DTNA: variants seen among roughly 807,000 people sequenced by gnomAD.
DTNA encodes dystrobrevin alpha.
In DTNA, 43 loss-of-function variants were observed where a neutral mutation model predicts 100.7. The ratio of observed to expected loss-of-function variants is 0.43; its 90% CI spans 0.33 to 0.55. The LOEUF is 0.55. Ranked by LOEUF, DTNA falls within the 20% of genes least tolerant of loss-of-function variation. The probability of loss-of-function intolerance (pLI) is 0.04; values close to 1 mark genes in which losing one functional copy is unlikely to be tolerated. For synonymous variants in DTNA, 349 were observed against 347.9 expected, an observed-to-expected ratio of 1.00 and a Z score of -0.04; for missense variants, 798 against 953.9, an observed-to-expected ratio of 0.84 and a Z score of 2.15.
chr18:34,546,512 G>A (rs1262043657), intron 1 of DTNA, among the ~76,000 whole-genome samples: 5 of 152,066 alleles, frequency 3.3e-5, no homozygotes, highest in Non-Finnish European at 5.9e-5. Context: ...CTGACTCTAT[G>A]CTAGTAAATA....
In DTNA at chr18:34,884,626, C is replaced by CTG. The variant is rs35187424; in HGVS notation, c.2296-98_2296-97dup. The stretch of plus-strand genomic sequence containing the variant: ...CTCACTCAATAGACTCTCTCTCTCT[C>CTG]TGTGTCTTTGTGCATGGCTTCCCGC... On this transcript the variant is annotated intron_variant, in intron 21 of 22. Transcript: ENST00000444659. The CTG allele has an allele frequency of 7.8e-3, 9,421 of 1,215,038 alleles. 505 individuals carry two copies. In the African/African-American group the frequency reaches 0.12, roughly 16 times the overall value. 75.3% of individuals were successfully genotyped at this position (1,215,038 alleles called of 1,614,324 possible).
intron 1 of DTNA, among the ~76,000 whole-genome samples, chr18:34,654,973 T>A (rs2074150319): frequency 6.6e-6 from 1 of 152,146 alleles, no homozygotes; most frequent in Non-Finnish European, 1.5e-5. Context: ...GTGATCCACC[T>A]GCCTCGGCCT....
In DTNA at chr18:34,794,192, A is replaced by G; in HGVS notation, c.304A>G (p.Ile102Val). 1.2e-6 allele frequency: 2 copies of G among 1,613,990 alleles called. No homozygotes were observed. Among genetic ancestry groups the G allele is most frequent in the Non-Finnish European group, 1.7e-6 (2 of 1,179,978 alleles). ...CAAACGGATGCCAACCACTCACCAA[A>G]TCCATGTGGAGCAGTCCATCAGCCT... ...LNKRMPTTHQ[I>V]HVEQSISLLL... The change falls in exon 4 of 23, where the codon ATC (isoleucine) becomes GTC (valine). Residue 102 changes from isoleucine to valine, a missense_variant. Physicochemically the swap from Ile to Val is conservative, Grantham distance 29. This residue lies in a region of DTNA where 197 missense variants were observed against 215.4 expected (regional missense o/e 0.91). Coordinates refer to ENST00000444659, the MANE Select transcript of DTNA (RefSeq NM_001386795.1).
At chr18:34,558,804 A>C (rs192676241) in intron 1 of DTNA, among the ~76,000 whole-genome samples, 1 of 152,184 alleles carries the variant, frequency 6.6e-6, no homozygotes, top group African/African-American at 2.4e-5. Flanking sequence ...TGAGACTGAA[A>C]TGTATGTGCT....
chr18:34,557,481 T>C (rs9950677), intron 1 of DTNA, among the ~76,000 whole-genome samples: 198 of 152,234 alleles, frequency 1.3e-3, no homozygotes, highest in African/African-American at 4.6e-3. Context: ...GTTCTGTTTT[T>C]TCCCCATCTT....
chr18:34,667,635 G>A (rs1033356719), intron 1 of DTNA, among the ~76,000 whole-genome samples: 3 of 152,030 alleles, frequency 2.0e-5, no homozygotes, highest in Non-Finnish European at 4.4e-5. Flanking sequence ...TAGCATGAAG[G>A]GCTGTTGAAT....
intron 1 of DTNA, among the ~76,000 whole-genome samples, chr18:34,526,102 C>T (rs765558351): frequency 3.9e-5 from 6 of 152,120 alleles, no homozygotes; most frequent in African/African-American, 9.7e-5. Context: ...TAAAACAGCA[C>T]GGCTACGTGT....
chr18:34,804,304 G>A (rs566068111), intron 4 of DTNA, among the ~76,000 whole-genome samples: 1 of 152,304 alleles, frequency 6.6e-6, no homozygotes, highest in East Asian at 1.9e-4. Context: ...GGTGTGCCAT[G>A]AGCAAACGTT....
chr18:34,718,907 G>A (rs550110665), intron 1 of DTNA, among the ~76,000 whole-genome samples: 54 of 152,208 alleles, frequency 3.5e-4, no homozygotes, highest in Middle Eastern at 6.8e-3. Flanking sequence ...ATGAGTTCTC[G>A]GATTTAAGAA....
At chr18:34,586,363 A>G (rs915424449) in intron 1 of DTNA, among the ~76,000 whole-genome samples, 4 of 151,662 alleles carry the variant, frequency 2.6e-5, no homozygotes, top group Admixed American at 6.6e-5. Flanking sequence ...AGTTACTTTG[A>G]GGTTGTTACA....
At chr18:34,641,995 A>G (rs1175254971) in intron 1 of DTNA, among the ~76,000 whole-genome samples, 1 of 152,228 alleles carries the variant, frequency 6.6e-6, no homozygotes, top group Non-Finnish European at 1.5e-5. Context: ...TCCCAGCACC[A>G]TTATTATATA....
intron 1 of DTNA, among the ~76,000 whole-genome samples, chr18:34,564,981 A>G (rs1412979294): frequency 6.6e-6 from 1 of 152,250 alleles, no homozygotes; most frequent in East Asian, 1.9e-4. Context: ...CTGCCTTAAT[A>G]AAATTAATTT....
At chr18:34,666,101 A>C (rs1358545241) in intron 1 of DTNA, among the ~76,000 whole-genome samples, 2 of 152,124 alleles carry the variant, frequency 1.3e-5, no homozygotes, top group Admixed American at 1.3e-4. Flanking sequence ...CCTGACTTTT[A>C]ATGATTGCTA....
intron 4 of DTNA, among the ~76,000 whole-genome samples, chr18:34,794,762 G>T (rs1424448906): frequency 2.6e-5 from 4 of 152,142 alleles, no homozygotes; most frequent in Non-Finnish European, 5.9e-5. Context: ...CATAAAATAA[G>T]GGGATGCTGT....
At chr18:34,754,628 G>A (rs111678910) in intron 1 of DTNA, among the ~76,000 whole-genome samples, 25 of 152,208 alleles carry the variant, frequency 1.6e-4, no homozygotes, top group Admixed American at 4.6e-4. Context: ...GTTTCCATTC[G>A]TTTATTTTTA....
intron 1 of DTNA, among the ~76,000 whole-genome samples, chr18:34,664,121 C>T (rs1200659453): frequency 6.6e-6 from 1 of 152,100 alleles, no homozygotes; most frequent in Non-Finnish European, 1.5e-5. Flanking sequence ...AAAGACTCTA[C>T]TATTTCAAAC....
intron 1 of DTNA, among the ~76,000 whole-genome samples, chr18:34,643,263 A>G (rs1055876697): frequency 4.6e-5 from 7 of 152,232 alleles, no homozygotes; most frequent in African/African-American, 1.7e-4. Context: ...GTGGTAAAGC[A>G]CATACCCAAA....
In DTNA at chr18:34,771,301, C is replaced by T. The variant is rs879680225; in HGVS notation, c.148+5260C>T. Among the ~76,000 whole-genome samples the T allele has an allele frequency of 2.1e-3, 313 of 152,114 alleles. 2 individuals are homozygous for T. The highest frequency in any genetic ancestry group is 3.3e-3 in the Non-Finnish European group (224 of 67,982). On this transcript the variant is annotated intron_variant, in intron 3 of 22. Coordinates refer to ENST00000444659, the MANE Select transcript of DTNA (RefSeq NM_001386795.1). ...GATCACAAGGTCAGGAGATCGAGAC[C>T]ATCCTGGCTAACATGGTGATACCCC...
At chr18:34,874,635 TTTCTTC>T (rs146912046) in intron 17 of DTNA, among the ~76,000 whole-genome samples, 4,572 of 152,126 alleles carry the variant, frequency 0.03, 220 homozygotes, top group African/African-American at 0.1. Flanking sequence ...GAAAACAAGG[TTTCTTC>T]TTCTTCTTCT....
Sources: gnomAD v4.1 joint callset for allele counts (sites outside exome capture counted in the v4.1 genomes callset) on GRCh38, gnomAD v4.1.1 for gene constraint, gnomAD v4.1.1 regional missense constraint, MANE v1.5 for transcripts, NCBI Gene and HGNC (gene_info 2026-07-23, HGNC 2026-07-21) for gene names.